Variants in TCP11 observed in about 807,000 individuals in gnomAD.
The protein encoded by TCP11 is T-complex protein 11 homolog.
In TCP11, 34 loss-of-function variants were observed where a neutral mutation model predicts 45.0. The observed-to-expected ratio is 0.76, with a 90% CI of 0.57 to 1.01. The LOEUF is 1.01. Among genes scored for constraint, TCP11 ranks in the 50% least tolerant of loss-of-function variants. The probability of loss-of-function intolerance (pLI) is 0.00; values close to 1 mark genes in which losing one functional copy is unlikely to be tolerated. For missense variants in TCP11, 523 were observed against 598.1 expected, an observed-to-expected ratio of 0.87 and a Z score of 1.31; for synonymous variants, 227 against 227.0, an observed-to-expected ratio of 1.00 and a Z score of 0.00.
intron 4 of TCP11, among the ~76,000 whole-genome samples, chr6:35,124,580 G>A (rs1779620103): frequency 6.6e-6 from 1 of 152,180 alleles, no homozygotes. Flanking sequence ...GACATGCACA[G>A]CAGCAATCTA....
chr6:35,140,414 A>T (rs1781597488), intron 2 of TCP11: 1 of 527,012 alleles, frequency 1.9e-6, no homozygotes, highest in Non-Finnish European at 3.5e-6. Context: ...CCCGTCTGGG[A>T]TCATTTGGGT....
At chr6:35,121,184 G>A in intron 5 of TCP11, 139 bp from the exon 6 acceptor site, 2 of 1,033,954 alleles carry the variant, frequency 1.9e-6, no homozygotes, top group Non-Finnish European at 2.7e-6. Flanking sequence ...AAGATAACAT[G>A]TGGCCCAGAA....
In TCP11 at chr6:35,130,650, G is replaced by GA. The variant is rs536097417; in HGVS notation, c.237-1469dup. On this transcript the variant is annotated intron_variant, in intron 3 of 9. Transcript: ENST00000311875. ...GAGTTGCAAATTAAAACAACAAAAAGAAAAAAAAAAGACACCGCTATATGA... is the reference window on the plus strand; with the variant it reads ...GAGTTGCAAATTAAAACAACAAAAAGAAAAAAAAAAAGACACCGCTATATGA... Among the ~76,000 whole-genome samples, 117 of 145,188 alleles carry GA rather than the reference G, an allele frequency of 8.1e-4. 2 individuals carry two copies. In the South Asian group the frequency reaches 0.021, roughly 27 times the overall value.
intron 5 of TCP11, 39 bp downstream of exon 5, chr6:35,122,078 G>A: frequency 6.2e-7 from 1 of 1,606,078 alleles, no homozygotes; most frequent in Non-Finnish European, 8.5e-7. Context: ...GGGCTCAGGG[G>A]CTAAAGCAGG....
At chr6:35,129,271 A>G in intron 3 of TCP11, 89 bp from the exon 4 acceptor site, 4 of 1,480,496 alleles carry the variant, frequency 2.7e-6, no homozygotes, top group Non-Finnish European at 3.6e-6. Context: ...TGAATTTGAT[A>G]TGGTAAAAGG....
chr6:35,141,040 G>A, intron 1 of TCP11, 156 bp from the exon 2 acceptor site: 1 of 1,235,442 alleles, frequency 8.1e-7, no homozygotes, highest in Non-Finnish European at 1.1e-6. Flanking sequence ...AGGAGCGGAA[G>A]TCGAGAGTGG....
In TCP11 at chr6:35,120,625, T is replaced by C. The variant is rs530781724; in HGVS notation, c.737A>G (p.Lys246Arg). 14 of 1,613,524 alleles carry C rather than the reference T, an allele frequency of 8.7e-6. No homozygotes were observed. Among genetic ancestry groups the C allele is most frequent in the Non-Finnish European group, 1.2e-5 (14 of 1,179,986 alleles). ...KQPSLLNHTT[K>R]WLTQAAGDLT... ...GTCTCCTGCTGCTTGGGTCAGCCAT[T>C]TGGTGGTGTGATTAAGGAGACCTAT... Residue 246 changes from lysine (K) to arginine (R), a missense_variant, in exon 7 of 10, where the codon AAA (lysine) becomes AGA (arginine). This residue lies in a region of TCP11 where 298 missense variants were observed against 387.9 expected (regional missense o/e 0.77). Coordinates refer to ENST00000311875, the MANE Select transcript of TCP11 (RefSeq NM_001370687.1). This position sits in a 1 kb window ranked among gnomAD's most constrained non-coding sequence, Gnocchi z 4.9.
intron 9 of TCP11, 79 bp from the exon 10 acceptor site, chr6:35,118,580 C>A: frequency 7.5e-7 from 1 of 1,325,728 alleles, no homozygotes; most frequent in Non-Finnish European, 1.0e-6. Context: ...CTCTACTCAC[C>A]CATGTTCTAA....
At chr6:35,123,654 T>TC (rs1352977556) in intron 4 of TCP11, among the ~76,000 whole-genome samples, 78 of 144,258 alleles carry the variant, frequency 5.4e-4, no homozygotes, top group Non-Finnish European at 9.0e-4. Context: ...TTTCTTTCTT[T>TC]TTTTTTTTTT....
chr6:35,133,448 G>T (rs1325935352), intron 3 of TCP11, among the ~76,000 whole-genome samples: 1 of 151,968 alleles, frequency 6.6e-6, no homozygotes, highest in Non-Finnish European at 1.5e-5. Flanking sequence ...CTCCCAAAGT[G>T]CCGGGATTAC....
chr6:35,134,269 TA>T (rs1475647700), intron 3 of TCP11, among the ~76,000 whole-genome samples: 1 of 132,214 alleles, frequency 7.6e-6, no homozygotes, highest in Non-Finnish European at 1.6e-5. Context: ...CATCCACCCA[TA>T]AGCTTTTTTT....
At chr6:35,119,615 TG>T (rs1779009147) in intron 8 of TCP11, among the ~76,000 whole-genome samples, 1 of 152,278 alleles carries the variant, frequency 6.6e-6, no homozygotes, top group Non-Finnish European at 1.5e-5. Context: ...TGTGGCACTG[TG>T]TTCTACTTCT....
In TCP11 at chr6:35,141,297, G is replaced by A. The variant is rs536689730; in HGVS notation, c.-107C>T. ...GAGCGTACCACCGCGGCGGAGCGGC[G>A]GGTTGGGGCGTCGCACGGTGAGAAA... On this transcript the variant is annotated 5_prime_UTR_variant, in exon 1 of 10. Coordinates refer to ENST00000311875, the MANE Select transcript of TCP11 (RefSeq NM_001370687.1). 7,859 of 1,287,958 alleles carry A rather than the reference G, an allele frequency of 6.1e-3. 26 individuals carry two copies. The highest frequency in any genetic ancestry group is 0.01 in the Middle Eastern group (36 of 3,484). 79.8% of individuals were successfully genotyped at this position (1,287,958 alleles called of 1,614,324 possible).
intron 4 of TCP11, among the ~76,000 whole-genome samples, chr6:35,125,286 C>T (rs1398358559): frequency 6.6e-6 from 1 of 151,816 alleles, no homozygotes; most frequent in Non-Finnish European, 1.5e-5. Context: ...TATTCATGAT[C>T]TAGGATTTGG....
intron 2 of TCP11, among the ~76,000 whole-genome samples, chr6:35,136,495 TAAA>T (rs1342600971): frequency 2.0e-5 from 3 of 148,478 alleles, no homozygotes; most frequent in African/African-American, 7.5e-5. Flanking sequence ...TCTTAAAAAG[TAAA>T]ATCGTATTTA....
intron 2 of TCP11, chr6:35,140,065 G>A (rs1781547015): frequency 6.2e-7 from 1 of 1,614,020 alleles, no homozygotes; most frequent in Non-Finnish European, 8.5e-7. Flanking sequence ...GCCTTTTGGT[G>A]CCATTCAGTT....
intron 2 of TCP11, among the ~76,000 whole-genome samples, chr6:35,138,666 G>T (rs894407884): frequency 6.6e-6 from 1 of 152,244 alleles, no homozygotes; most frequent in Admixed American, 6.5e-5. Flanking sequence ...ATAAGATCTA[G>T]TATTTGAGAG....
chr6:35,141,046 A>T, intron 1 of TCP11, 159 bp downstream of exon 1: 1 of 1,230,978 alleles, frequency 8.1e-7, no homozygotes, highest in Non-Finnish European at 1.1e-6. Context: ...GGAAGTCGAG[A>T]GTGGGACAGA....
chr6:35,129,159 G>T lies in TCP11; in HGVS notation c.260C>A (p.Thr87Lys). Residue 87 changes from threonine to lysine, a missense_variant, in exon 4 of 10, where the codon ACA becomes AAA. By Grantham distance (78) the Thr-to-Lys change is moderately conservative. This residue lies in a region of TCP11 where 225 missense variants were observed against 210.2 expected (regional missense o/e 1.07). Transcript: ENST00000311875. The part of the protein sequence containing the change: ...PSSLEGKVKE[T>K]VHNAFWDHLK... Reference sequence around the variant, plus strand: ...ATGGTCCCAAAAGGCATTGTGCACTGTCTCCTTGACCTTGCCTTCCAGACT... The same window carrying T: ...ATGGTCCCAAAAGGCATTGTGCACTTTCTCCTTGACCTTGCCTTCCAGACT... The T allele has an allele frequency of 6.2e-7, 1 of 1,614,048 alleles. No individual in the cohort carries two copies. The highest frequency in any genetic ancestry group is 1.3e-5 in the African/African-American group (1 of 75,036).
Sources: allele counts gnomAD v4.1 joint callset (sites outside exome capture counted in the v4.1 genomes callset), GRCh38; gene constraint gnomAD v4.1.1; regional missense constraint gnomAD v4.1.1; non-coding constraint Gnocchi (gnomAD v3.1); transcripts MANE v1.5; gene names NCBI Gene and HGNC (gene_info 2026-07-23, HGNC 2026-07-21).